The following FRAS1 variants were observed in gnomAD, a reference collection of about 807,000 sequenced individuals.
FRAS1 encodes Fraser extracellular matrix complex subunit 1, also known as extracellular matrix organizing protein FRAS1.
A neutral mutation model predicts 435.2 loss-of-function variants in FRAS1; 290 were observed. The observed-to-expected ratio is 0.67, with a 90% CI of 0.61 to 0.73. The LOEUF (loss-of-function observed/expected upper bound fraction) is 0.73, where lower values mean the gene tolerates loss of function less well. Among genes scored for constraint, FRAS1 ranks in the 30% least tolerant of loss-of-function variants. The pLI is 0.00. For missense variants in FRAS1, 4,860 were observed against 5,001.5 expected, an observed-to-expected ratio of 0.97 and a Z score of 0.85; for synonymous variants, 1,800 against 1,851.0, an observed-to-expected ratio of 0.97 and a Z score of 0.71.
At position 78,374,099 on chromosome 4, in the gene FRAS1, T is replaced by A; in HGVS notation, c.3011-12T>A. ...CACACAGATTCCTGATGACTTGACT[T>A]TTGTCTTTCAGACTGTGACAGCTAC... On this transcript the variant is annotated splice_polypyrimidine_tract_variant and intron_variant, in intron 24 of 73. Coordinates refer to ENST00000512123, the MANE Select transcript of FRAS1 (RefSeq NM_025074.7). 1 of 1,561,998 alleles carries A rather than the reference T, an allele frequency of 6.4e-7. No individual in the cohort carries two copies. Among genetic ancestry groups the A allele is most frequent in the South Asian group, 1.2e-5 (1 of 84,620 alleles).
intron 30 of FRAS1, among the ~76,000 whole-genome samples, chr4:78,407,106 A>T (rs996550428): frequency 3.3e-5 from 5 of 152,248 alleles, no homozygotes; most frequent in African/African-American, 1.2e-4. Flanking sequence ...ATATCTCATT[A>T]TGTATATGCA....
At chr4:78,526,324 A>C (rs1266999944) in intron 69 of FRAS1, among the ~76,000 whole-genome samples, 1 of 152,232 alleles carries the variant, frequency 6.6e-6, no homozygotes, top group Non-Finnish European at 1.5e-5. Flanking sequence ...ACCTGAATAC[A>C]TGAAAGTAGC....
At chr4:78,195,183 C>G (rs956257275) in intron 2 of FRAS1, among the ~76,000 whole-genome samples, 2 of 152,210 alleles carry the variant, frequency 1.3e-5, no homozygotes, top group East Asian at 3.9e-4. Context: ...TCTGCCCCTA[C>G]TAGGGGGTGC....
intron 37 of FRAS1, among the ~76,000 whole-genome samples, chr4:78,430,690 GT>G (rs1734179715): frequency 6.6e-6 from 1 of 152,070 alleles, no homozygotes; most frequent in Non-Finnish European, 1.5e-5. Context: ...GAAACTTGGA[GT>G]AAATGCATTC....
At position 78,363,654 on chromosome 4, in the gene FRAS1, G is replaced by T; in HGVS notation, c.2564G>T (p.Gly855Val). The T allele has an allele frequency of 6.3e-7, 1 of 1,589,816 alleles. No homozygotes were observed. Among genetic ancestry groups the T allele is most frequent in the Non-Finnish European group, 8.6e-7 (1 of 1,168,078 alleles). The change falls in exon 21 of 74, where the codon GGA becomes GTA. Residue 855 changes from glycine (G) to valine (V), a missense_variant. By Grantham distance (109) the Gly-to-Val change is moderately radical. Transcript: ENST00000512123. ...CCTTCAGGATACTATGCAGAGAGAG[G>T]AGCTTGTAAAAGTGAGTAAGTGCTG... ...DCPSGYYAER[G>V]ACKKCHSSCR...
Position 78,266,943 on chromosome 4 carries a change from A to G in FRAS1, c.789+8A>G. The stretch of plus-strand genomic sequence containing the variant: ...CCCCTGAGATGCGGAAAGGTATTTG[A>G]GAGTGTGTACCTTACTTGTTTAAGC... On this transcript the variant is annotated splice_region_variant and intron_variant, in intron 8 of 73. Transcript: ENST00000512123. The G allele has an allele frequency of 1.3e-6, 2 of 1,570,062 alleles. No individual in the cohort carries two copies. The highest frequency in any genetic ancestry group is 1.3e-5 in the African/African-American group (1 of 74,220).
chr4:78,163,483 G>C (rs1236010799), intron 2 of FRAS1, among the ~76,000 whole-genome samples: 1 of 152,006 alleles, frequency 6.6e-6, no homozygotes, highest in African/African-American at 2.4e-5. Flanking sequence ...TATTTAAAAT[G>C]GTTTTATTAG....
At chr4:78,183,008 A>G (rs1257914948) in intron 2 of FRAS1, among the ~76,000 whole-genome samples, 3 of 152,164 alleles carry the variant, frequency 2.0e-5, no homozygotes, top group Non-Finnish European at 2.9e-5. Flanking sequence ...GAAGAGGTAC[A>G]CAGCAGAGAA....
At chr4:78,367,099 A>G (rs1731301459) in intron 22 of FRAS1, among the ~76,000 whole-genome samples, 1 of 152,152 alleles carries the variant, frequency 6.6e-6, no homozygotes, top group Non-Finnish European at 1.5e-5. Context: ...CCACGGGGGA[A>G]TGAGTACTTT....
chr4:78,139,543 T>C (rs1257297837), intron 2 of FRAS1, among the ~76,000 whole-genome samples: 7 of 152,328 alleles, frequency 4.6e-5, no homozygotes, highest in African/African-American at 1.7e-4. Flanking sequence ...GTTTACCCTT[T>C]TCTCTCTAAT....
At chr4:78,226,283 A>G (rs751616918) in intron 2 of FRAS1, among the ~76,000 whole-genome samples, 1 of 152,062 alleles carries the variant, frequency 6.6e-6, no homozygotes, top group Non-Finnish European at 1.5e-5. Context: ...TATTTACCCT[A>G]TTATTCTAAA....
intron 42 of FRAS1, chr4:78,446,414 G>T (rs1392876510): frequency 9.0e-7 from 1 of 1,106,556 alleles, no homozygotes; most frequent in Non-Finnish European, 1.1e-6. Context: ...TATCTTCAAA[G>T]TATGTTAATA....
In FRAS1 at chr4:78,513,412, T is replaced by C. The variant is rs755728983; in HGVS notation, c.10034T>C (p.Ile3345Thr). 1.2e-6 allele frequency: 2 copies of C among 1,613,792 alleles called. No homozygotes were observed. The highest frequency in any genetic ancestry group is 1.7e-6 in the Non-Finnish European group (2 of 1,179,832). Residue 3345 changes from isoleucine (I) to threonine (T), a missense_variant, in exon 65 of 74, where the codon ATC becomes ACC. By Grantham distance (89) the Ile-to-Thr change is moderately conservative. Transcript: ENST00000512123. ...HPNRIHISVQIPHQDGMLPLI... is the reference protein window; with the variant it reads ...HPNRIHISVQTPHQDGMLPLI... ...CCTAGAATCCACATTTCGGTGCAGATCCCACACCAGGATGGAATGCTGCCC... is the reference window on the plus strand; with the variant it reads ...CCTAGAATCCACATTTCGGTGCAGACCCCACACCAGGATGGAATGCTGCCC...
rs1265321050 is a variant in FRAS1, at chr4:78,454,259, A to G, written c.6763+1905A>G. Among the ~76,000 whole-genome samples, 4 of 152,272 alleles carry G rather than the reference A, an allele frequency of 2.6e-5. 1 individual carries two copies. The highest frequency in any genetic ancestry group is 9.6e-5 in the African/African-American group (4 of 41,552). On this transcript the variant is annotated intron_variant, in intron 47 of 73. Coordinates refer to ENST00000512123, the MANE Select transcript of FRAS1 (RefSeq NM_025074.7). Reference sequence around the variant, plus strand: ...AGGTTCCGTCAGACAAATCATGTTCAAGACGCAGCAAGGAGACCAGGGTGG... The same window carrying G: ...AGGTTCCGTCAGACAAATCATGTTCGAGACGCAGCAAGGAGACCAGGGTGG...
At chr4:78,281,929 A>T (rs1245633125) in intron 11 of FRAS1, among the ~76,000 whole-genome samples, 5 of 152,194 alleles carry the variant, frequency 3.3e-5, no homozygotes, top group Non-Finnish European at 7.3e-5. Flanking sequence ...AAGGGGTCTG[A>T]TCTCAAGACG....
chr4:78,145,349 G>A (rs939139409), intron 2 of FRAS1, among the ~76,000 whole-genome samples: 2 of 152,162 alleles, frequency 1.3e-5, no homozygotes, highest in African/African-American at 4.8e-5. Flanking sequence ...TGTTTTCATA[G>A]TCAGGATATA....
chr4:78,443,841 A>G (rs1359644746), intron 41 of FRAS1, among the ~76,000 whole-genome samples: 1 of 152,186 alleles, frequency 6.6e-6, no homozygotes, highest in Non-Finnish European at 1.5e-5. Flanking sequence ...GGCATCATTT[A>G]CTTTACTTAG....
chr4:78,262,606 G>A (rs1305301552), intron 6 of FRAS1, among the ~76,000 whole-genome samples: 3 of 152,146 alleles, frequency 2.0e-5, no homozygotes, highest in East Asian at 3.8e-4. Flanking sequence ...TGGTGGTGGG[G>A]TTTTAATCTC....
chr4:78,283,855 C>T (rs1023795615), intron 12 of FRAS1, among the ~76,000 whole-genome samples: 11 of 152,012 alleles, frequency 7.2e-5, no homozygotes, highest in Non-Finnish European at 7.4e-5. Context: ...AACTTCAAAA[C>T]CTGAAAAAAG....
Sources: allele counts gnomAD v4.1 joint callset (sites outside exome capture counted in the v4.1 genomes callset), GRCh38; gene constraint gnomAD v4.1.1; transcripts MANE v1.5; gene names NCBI Gene and HGNC (gene_info 2026-07-23, HGNC 2026-07-21).